GRIP1: variants seen among roughly 807,000 people sequenced by gnomAD.
GRIP1 encodes glutamate receptor-interacting protein 1.
A neutral mutation model predicts 129.9 loss-of-function variants in GRIP1; 45 were observed. The observed-to-expected ratio is 0.35, with a 90% CI of 0.27 to 0.44. The LOEUF is 0.44. Ranked by LOEUF, GRIP1 falls within the 20% of genes least tolerant of loss-of-function variation. The pLI, the probability that GRIP1 is intolerant of heterozygous loss-of-function variation, is 1.00. For missense variants in GRIP1, 1,196 were observed against 1,396.8 expected (o/e 0.86, Z 2.29); for synonymous variants, 530 against 520.8 (o/e 1.02, Z -0.24).
chr12:66,782,804 T>C (rs1039622352), intron 1 of GRIP1, among the ~76,000 whole-genome samples: 1 of 152,140 alleles, frequency 6.6e-6, no homozygotes, highest in Non-Finnish European at 1.5e-5. Flanking sequence ...ATTGCTCTCC[T>C]CTCCACAAGA....
intron 7 of GRIP1, among the ~76,000 whole-genome samples, chr12:66,488,399 A>C (rs552771735): frequency 1.3e-5 from 2 of 152,356 alleles, no homozygotes; most frequent in East Asian, 3.9e-4. Context: ...AAATTGAGGC[A>C]GAAATAAAAG....
At chr12:66,845,915 TA>T (rs955879237) in intron 1 of GRIP1, among the ~76,000 whole-genome samples, 17 of 152,318 alleles carry the variant, frequency 1.1e-4, no homozygotes, top group Middle Eastern at 6.8e-3. Flanking sequence ...CTAGGTAGTC[TA>T]AACCTCTACT....
chr12:66,725,435 TTTG>T (rs1015452811), intron 1 of GRIP1, among the ~76,000 whole-genome samples: 65 of 152,332 alleles, frequency 4.3e-4, no homozygotes, highest in African/African-American at 1.5e-3. Flanking sequence ...TTTACAGTTT[TTTG>T]TTGTTTTATA....
rs187766347 is a variant in GRIP1, at chr12:66,777,647, T to C, written c.-420+26406A>G. 6.2e-4 allele frequency among the ~76,000 whole-genome samples: 95 copies of C among 152,252 alleles called. 2 individuals are homozygous for C. The East Asian group carries it at 0.013, about 21-fold the overall frequency. ...CCCAAGAAAAGTGTGTGGCACATAG[T>C]AGGTTGTCAATAAGCATTTGTTGAA... is the stretch of plus-strand genomic sequence containing the variant. On this transcript the variant is annotated intron_variant, in intron 1 of 4. Coordinates refer to the GRIP1 transcript ENST00000538373.
intron 1 of GRIP1, among the ~76,000 whole-genome samples, chr12:66,950,614 G>A (rs1307020604): frequency 6.6e-6 from 1 of 151,824 alleles, no homozygotes; most frequent in Non-Finnish European, 1.5e-5. Flanking sequence ...ATAGAAACCA[G>A]TAGAATATAC....
chr12:66,438,230 C>T (rs2058368970), intron 13 of GRIP1, among the ~76,000 whole-genome samples: 1 of 152,132 alleles, frequency 6.6e-6, no homozygotes, highest in Non-Finnish European at 1.5e-5. Flanking sequence ...TAAGCTGGGC[C>T]ATTAGATTCT....
chr12:66,804,265 T>C (rs1464247546), upstream of GRIP1: 1 of 375,750 alleles, frequency 2.7e-6, no homozygotes, highest in African/African-American at 2.1e-5. Flanking sequence ...CGGTGGAGCA[T>C]GAATGACCAA....
chr12:66,941,018 A>G (rs1245876643), intron 1 of GRIP1, among the ~76,000 whole-genome samples: 1 of 152,094 alleles, frequency 6.6e-6, no homozygotes, highest in African/African-American at 2.4e-5. Context: ...AGAAAACAAT[A>G]TGCATTTTAT....
chr12:66,599,349 G>A (rs752380262), intron 1 of GRIP1, among the ~76,000 whole-genome samples: 15 of 152,174 alleles, frequency 9.9e-5, no homozygotes, highest in Non-Finnish European at 1.5e-4. Context: ...AATTCCTAAT[G>A]GAAGGGAGGC....
intron 1 of GRIP1, among the ~76,000 whole-genome samples, chr12:66,829,222 T>C (rs1468163057): frequency 2.0e-5 from 3 of 152,104 alleles, no homozygotes; most frequent in Non-Finnish European, 4.4e-5. Context: ...GAGGAAGTTC[T>C]AAAGCACAGA....
chr12:66,555,316 G>A (rs1272018201), intron 2 of GRIP1, among the ~76,000 whole-genome samples: 2 of 152,158 alleles, frequency 1.3e-5, no homozygotes, highest in African/African-American at 4.8e-5. Context: ...ATGCCTCTAT[G>A]AGTCTATAAG....
At chr12:66,459,812 A>C (rs1246731051) in intron 9 of GRIP1, among the ~76,000 whole-genome samples, 3 of 152,204 alleles carry the variant, frequency 2.0e-5, no homozygotes, top group African/African-American at 7.2e-5. Context: ...TACACTCCAA[A>C]TGTTTTCTGT....
At chr12:66,544,074 C>T (rs7298223) in intron 2 of GRIP1, among the ~76,000 whole-genome samples, 103,176 of 152,076 alleles carry the variant, frequency 0.68, 35,524 homozygotes, top group African/African-American at 0.8. Flanking sequence ...CCAGGTGCTT[C>T]CTGGGCTTCC....
intron 1 of GRIP1, among the ~76,000 whole-genome samples, chr12:66,942,876 A>G (rs1264637621): frequency 6.6e-6 from 1 of 152,158 alleles, no homozygotes; most frequent in Non-Finnish European, 1.5e-5. Flanking sequence ...AAAGCTTGCT[A>G]CTTCTCTCTC....
intron 2 of GRIP1, among the ~76,000 whole-genome samples, chr12:66,545,841 C>T (rs2061931754): frequency 6.6e-6 from 1 of 152,002 alleles, no homozygotes; most frequent in South Asian, 2.1e-4. Context: ...AATGAAATAT[C>T]ATATATAATT....
In GRIP1 at chr12:66,579,634, A is replaced by C. The variant is rs532694684; in HGVS notation, c.136+17213T>G. ...TGCAGAAGCCTCAGGAGCCGATGCG[A>C]TCAACTGGAAGAAAGGGTATCAGCA... On this transcript the variant is annotated intron_variant, in intron 2 of 24. Transcript: ENST00000359742. Among the ~76,000 whole-genome samples, 4 of 152,350 alleles carry C rather than the reference A, an allele frequency of 2.6e-5. No homozygotes were observed. The East Asian group carries it at 5.8e-4, about 22-fold the overall frequency.
chr12:66,948,016 A>G (rs1342376801), intron 1 of GRIP1, among the ~76,000 whole-genome samples: 1 of 152,164 alleles, frequency 6.6e-6, no homozygotes, highest in Non-Finnish European at 1.5e-5. Context: ...ACTCCTTTAT[A>G]AAGTGGGTTC....
Position 66,440,231 on chromosome 12 carries a change from T to C in GRIP1, c.1687+4353A>G, listed in dbSNP as rs536276875. Among the ~76,000 whole-genome samples, 15 of 152,320 alleles carry C rather than the reference T, an allele frequency of 9.8e-5. No homozygotes were observed. The South Asian group carries it at 3.1e-3, about 32-fold the overall frequency. On this transcript the variant is annotated intron_variant, in intron 13 of 24. Coordinates refer to ENST00000359742, the MANE Select transcript of GRIP1 (RefSeq NM_001366722.1). ...TTATGGGTTACATGGGATACTTTGATACAAGTATGCAATGCACAATAACCA... is the reference window on the plus strand; with the variant it reads ...TTATGGGTTACATGGGATACTTTGACACAAGTATGCAATGCACAATAACCA...
intron 1 of GRIP1, among the ~76,000 whole-genome samples, chr12:67,000,367 T>C (rs550910782): frequency 6.6e-6 from 1 of 152,316 alleles, no homozygotes; most frequent in Non-Finnish European, 1.5e-5. Flanking sequence ...TCTTCATTTT[T>C]TCTAGCTAAA....
Sources: gnomAD v4.1 joint callset for allele counts (sites outside exome capture counted in the v4.1 genomes callset) on GRCh38, gnomAD v4.1.1 for gene constraint, MANE v1.5 for transcripts, NCBI Gene and HGNC (gene_info 2026-07-23, HGNC 2026-07-21) for gene names.